CD5L: variants seen among roughly 807,000 people sequenced by gnomAD.
CD5L encodes CD5 molecule like, also known as CD5 antigen-like.
CD5L carries 39 observed loss-of-function variants against 40.8 expected under a neutral mutation model. The observed-to-expected ratio is 0.96, with a 90% CI of 0.74 to 1.25. The LOEUF is 1.25. CD5L is among the 50% of genes most tolerant of loss of function. The probability of loss-of-function intolerance (pLI) is 0.00; values close to 1 mark genes in which losing one functional copy is unlikely to be tolerated. For missense variants in CD5L, 433 were observed against 435.9 expected, an observed-to-expected ratio of 0.99 and a Z score of 0.06; for synonymous variants, 192 against 169.6, an observed-to-expected ratio of 1.13 and a Z score of -1.03.
intron 1 of CD5L, among the ~76,000 whole-genome samples, chr1:157,840,033 C>G (rs1013423178): frequency 1.3e-5 from 2 of 152,178 alleles, no homozygotes; most frequent in African/African-American, 4.8e-5. Flanking sequence ...TCCATTAAAC[C>G]TTTATTAGAC....
At chr1:157,830,193 T>A (rs1315043467), downstream of CD5L, among the ~76,000 whole-genome samples, 17 of 152,216 alleles carry the variant, frequency 1.1e-4, no homozygotes, top group Non-Finnish European at 2.9e-5. Context: ...TTGTCTCACA[T>A]TTCATATCTG....
Position 157,841,675 on chromosome 1 carries a change from A to G in CD5L, c.27T>C (p.Leu9=). Residue 9 remains leucine, a splice_region_variant and synonymous_variant, in exon 1 of 6, where the codon CTT becomes CTC. Transcript: ENST00000368174. ...ACCAACAGGTGCAGAGATACTCACC[A>G]AGGATCAAGGAGAATAGCAGAGCCA... MALLFSLI[L]AICTRPGFLA... The G allele has an allele frequency of 6.2e-7, 1 of 1,613,250 alleles. No homozygotes were observed. The highest frequency in any genetic ancestry group is 1.1e-5 in the South Asian group (1 of 90,736).
rs115845810 is a variant in CD5L, at chr1:157,832,342, C to T, written c.1040-374G>A. Among the ~76,000 whole-genome samples, 1,067 of 152,316 alleles carry T rather than the reference C, an allele frequency of 7.0e-3. 13 individuals are homozygous for T. Among genetic ancestry groups the T allele is most frequent in the African/African-American group, 0.025 (1,019 of 41,562 alleles). On this transcript the variant is annotated intron_variant, in intron 5 of 5. Transcript: ENST00000368174. ...CAAAGTAGCAGCAGCCTGGCTCAAACCCTAGCCTCCTGCAGCTGTATTTAT... is the reference window on the plus strand; with the variant it reads ...CAAAGTAGCAGCAGCCTGGCTCAAATCCTAGCCTCCTGCAGCTGTATTTAT...
chr1:157,828,099 G>T (rs1655951076), downstream of CD5L, among the ~76,000 whole-genome samples: 2 of 152,184 alleles, frequency 1.3e-5, no homozygotes, highest in Non-Finnish European at 2.9e-5. Context: ...AGGAGAAGGA[G>T]TGATAAATTC....
At chr1:157,828,158 C>T (rs1655953633), downstream of CD5L, among the ~76,000 whole-genome samples, 1 of 152,094 alleles carries the variant, frequency 6.6e-6, no homozygotes, top group Non-Finnish European at 1.5e-5. Context: ...GGAGCAACAA[C>T]TTGAGTCTCA....
Position 157,830,936 on chromosome 1 carries a change from A to G in CD5L, c.*1028T>C. 1.0e-6 allele frequency: 1 copy of G among 984,898 alleles called. No homozygotes were observed. Among genetic ancestry groups the G allele is most frequent in the Non-Finnish European group, 1.2e-6 (1 of 829,412 alleles). The allele number at this position is 984,898 out of a possible 1,614,324, so 61.0% of individuals were successfully genotyped here. On this transcript the variant is annotated 3_prime_UTR_variant, in exon 6 of 6. Transcript: ENST00000368174. Reference sequence around the variant, plus strand: ...TTGTTGAGACTGTGAAATCTGATTTATTAGATAAGTGTAAATGTGTAAATG... The same window carrying G: ...TTGTTGAGACTGTGAAATCTGATTTGTTAGATAAGTGTAAATGTGTAAATG...
rs138845103 is a variant in CD5L, at chr1:157,837,844, C to T, written c.55+1540G>A. ...AGGCTGGAGTGCAGTGGCACGATTT[C>T]GGCTCACTGCAAGCTTCGCCTCCTG... is the stretch of plus-strand genomic sequence containing the variant. On this transcript the variant is annotated intron_variant, in intron 2 of 5. Coordinates refer to ENST00000368174, the MANE Select transcript of CD5L (RefSeq NM_005894.3). Among the ~76,000 whole-genome samples the T allele has an allele frequency of 3.3e-3, 473 of 143,090 alleles. 4 individuals carry two copies. Among genetic ancestry groups the T allele is most frequent in the African/African-American group, 0.012 (448 of 38,380 alleles). 93.9% of individuals were successfully genotyped at this position (143,090 alleles called of 152,430 possible). A position where few individuals can be genotyped will look rare whatever the true frequency, so the allele number is the denominator to read the frequency against.
intron 2 of CD5L, 70 bp from the exon 3 acceptor site, chr1:157,836,225 C>T (rs2101939012): frequency 1.6e-6 from 2 of 1,216,086 alleles, no homozygotes; most frequent in Non-Finnish European, 1.2e-6. Flanking sequence ...TGTACTCAGT[C>T]AATCTGGGAC....
chr1:157,833,240 C>G lies in CD5L; in HGVS notation c.991G>C (p.Gly331Arg), dbSNP rs779527845. The change falls in exon 5 of 6, where the codon GGG becomes CGG. Residue 331 changes from glycine (G) to arginine (R), a missense_variant. Physicochemically the swap from Gly to Arg is moderately radical, Grantham distance 125. Coordinates refer to ENST00000368174, the MANE Select transcript of CD5L (RefSeq NM_005894.3). ...TCCTGGTGGGTGCAGTCGTGAAACC[C>G]CCAAAATCTGTGCTGGCACTGCTCC... ...SLEQCQHRFW[G>R]FHDCTHQEDV... is the part of the protein sequence containing the mutation. 6.2e-7 allele frequency: 1 copy of G among 1,614,174 alleles called. No individual in the cohort carries two copies.
chr1:157,829,903 T>A (rs1280408378), downstream of CD5L, among the ~76,000 whole-genome samples: 1 of 152,158 alleles, frequency 6.6e-6, no homozygotes, highest in Non-Finnish European at 1.5e-5. Context: ...TTTCTGTGTG[T>A]CTCATCTATG....
At position 157,833,449 on chromosome 1, in the gene CD5L, T is replaced by C. The variant is rs1656104910; in HGVS notation, c.782A>G (p.His261Arg). The C allele has an allele frequency of 6.2e-7, 1 of 1,614,020 alleles. No individual in the cohort carries two copies. The highest frequency in any genetic ancestry group is 1.3e-5 in the African/African-American group (1 of 74,896). ...NLCSGRLEVL[H>R]KGVWGSVCDD... ...ACAGACAGAGCCCCATACGCCCTTG[T>C]GCAGCACCTCCAGTCGCCCAGAGCA... Residue 261 changes from histidine (H) to arginine (R), a missense_variant, in exon 5 of 6, where the codon CAC becomes CGC. Coordinates refer to ENST00000368174, the MANE Select transcript of CD5L (RefSeq NM_005894.3).
chr1:157,828,538 G>A (rs575996474), downstream of CD5L, among the ~76,000 whole-genome samples: 11 of 152,090 alleles, frequency 7.2e-5, no homozygotes, highest in African/African-American at 1.9e-4. Context: ...TATGAGATTC[G>A]GTAGATAAAT....
chr1:157,839,266 A>G lies in CD5L; in HGVS notation c.55+118T>C, dbSNP rs968240005. The G allele has an allele frequency of 2.0e-4, 196 of 958,396 alleles. No individual in the cohort carries two copies. The East Asian group carries it at 3.5e-3, about 17-fold the overall frequency. 59.4% of individuals were successfully genotyped at this position (958,396 alleles called of 1,614,324 possible). ...GACTGAGTGGGTGAGGTAGGAAGCC[A>G]GAAAGGAAGTCTGCTGGGCCTGTTT... On this transcript the variant is annotated intron_variant, in intron 2 of 5. Coordinates refer to ENST00000368174, the MANE Select transcript of CD5L (RefSeq NM_005894.3).
chr1:157,827,802 G>A (rs1655942768), downstream of CD5L, among the ~76,000 whole-genome samples: 2 of 152,152 alleles, frequency 1.3e-5, no homozygotes, highest in Admixed American at 1.3e-4. Flanking sequence ...GTGTTAAGGA[G>A]GAGAAAAATA....
intron 2 of CD5L, among the ~76,000 whole-genome samples, chr1:157,838,286 G>T (rs546368189): frequency 3.3e-5 from 5 of 152,218 alleles, no homozygotes; most frequent in African/African-American, 1.2e-4. Flanking sequence ...CTGAGTTTAA[G>T]GCTTATAGAT....
At chr1:157,829,060 A>C (rs541985201), downstream of CD5L, among the ~76,000 whole-genome samples, 1 of 152,314 alleles carries the variant, frequency 6.6e-6, no homozygotes, top group South Asian at 2.1e-4. Flanking sequence ...TCTCCTCTGG[A>C]AGACTTACCA....
At chr1:157,837,959 G>A (rs1480207429) in intron 2 of CD5L, among the ~76,000 whole-genome samples, 1 of 151,730 alleles carries the variant, frequency 6.6e-6, no homozygotes, top group Non-Finnish European at 1.5e-5. Context: ...TGTATTTTTA[G>A]TAGAGACGGG....
Position 157,841,788 on chromosome 1 carries a change from G to A in CD5L, c.-87C>T, listed in dbSNP as rs1656381804. 1 of 1,133,702 alleles carries A rather than the reference G, an allele frequency of 8.8e-7. No individual in the cohort carries two copies. The highest frequency in any genetic ancestry group is 1.9e-5 in the Admixed American group (1 of 52,528). The allele number at this position is 1,133,702 out of a possible 1,614,324, so 70.2% of individuals were successfully genotyped here. Reference sequence around the variant, plus strand: ...AATATTTAGTTTTAGCTGCAAGTATGTTAAGAGGAGGGACAAAGACAGGTC... The same window carrying A: ...AATATTTAGTTTTAGCTGCAAGTATATTAAGAGGAGGGACAAAGACAGGTC... On this transcript the variant is annotated 5_prime_UTR_variant, in exon 1 of 6. Transcript: ENST00000368174.
chr1:157,837,430 A>G (rs1024427840), intron 2 of CD5L, among the ~76,000 whole-genome samples: 8 of 152,188 alleles, frequency 5.3e-5, no homozygotes, highest in East Asian at 3.9e-4. Flanking sequence ...AGAAGCTTAT[A>G]TTAAGCTTGG....
Sources: gnomAD v4.1 joint callset for allele counts (sites outside exome capture counted in the v4.1 genomes callset) on GRCh38, gnomAD v4.1.1 for gene constraint, MANE v1.5 for transcripts, NCBI Gene and HGNC (gene_info 2026-07-23, HGNC 2026-07-21) for gene names.